Variants in CFAP54 observed in about 807,000 individuals in gnomAD.
CFAP54 encodes cilia- and flagella-associated protein 54.
In CFAP54, 290 loss-of-function variants were observed where a neutral mutation model predicts 370.4. The observed-to-expected ratio is 0.78, with a 90% confidence interval of 0.71 to 0.86. The LOEUF is 0.86. Ranked by LOEUF, CFAP54 falls within the 40% of genes least tolerant of loss-of-function variation. CFAP54 has a pLI of 0.00. For missense variants in CFAP54, 3,399 were observed against 3,528.7 expected (o/e 0.96, Z 0.93); for synonymous variants, 1,206 against 1,236.5 (o/e 0.98, Z 0.52).
At chr12:96,810,199 A>T (rs1431136497) in intron 63 of CFAP54, among the ~76,000 whole-genome samples, 1 of 151,936 alleles carries the variant, frequency 6.6e-6, no homozygotes, top group Non-Finnish European at 1.5e-5. Flanking sequence ...GTTCTCAGTC[A>T]TGCTTGTTGT....
chr12:96,843,250 G>A (rs187181993), intron 66 of CFAP54, among the ~76,000 whole-genome samples: 38 of 152,318 alleles, frequency 2.5e-4, no homozygotes, highest in African/African-American at 7.9e-4. Flanking sequence ...ATCAAGAAAT[G>A]CCAAGTATTG....
In CFAP54 at chr12:96,589,427, G is replaced by T. The variant is rs1956104744; in HGVS notation, c.3076G>T (p.Val1026Phe). Reference sequence around the variant, plus strand: ...CATAAATATGTGCTTTTTGTTATAGGTTGCCTATCAAGTTGGTAACTATGA... The same window carrying T: ...CATAAATATGTGCTTTTTGTTATAGTTTGCCTATCAAGTTGGTAACTATGA... ...TITARMFLTQVAYQVGNYELA... is the reference protein window; with the variant it reads ...TITARMFLTQFAYQVGNYELA... Residue 1026 changes from valine (V) to phenylalanine (F), a missense_variant and splice_region_variant, in exon 23 of 68, where the codon GTT (valine) becomes TTT (phenylalanine). Coordinates refer to ENST00000524981, the MANE Select transcript of CFAP54 (RefSeq NM_001306084.2). 1 of 1,526,376 alleles carries T rather than the reference G, an allele frequency of 6.6e-7. No individual in the cohort carries two copies. The highest frequency in any genetic ancestry group is 8.8e-7 in the Non-Finnish European group (1 of 1,141,262). 94.6% of individuals were successfully genotyped at this position (1,526,376 alleles called of 1,614,324 possible). A position where few individuals can be genotyped will look rare whatever the true frequency, so the allele number is the denominator to read the frequency against.
chr12:96,812,323 C>T (rs1958935828), intron 64 of CFAP54, among the ~76,000 whole-genome samples: 1 of 152,150 alleles, frequency 6.6e-6, no homozygotes, highest in Non-Finnish European at 1.5e-5. Context: ...ACCTTTCCCT[C>T]TGTGCCCAGT....
chr12:96,691,657 C>A (rs1442807436), intron 44 of CFAP54, among the ~76,000 whole-genome samples: 1 of 152,126 alleles, frequency 6.6e-6, no homozygotes, highest in African/African-American at 2.4e-5. Flanking sequence ...CAGGTTATAT[C>A]AATCCCAAAA....
At chr12:96,519,957 A>G (rs943462484) in intron 6 of CFAP54, among the ~76,000 whole-genome samples, 1 of 152,074 alleles carries the variant, frequency 6.6e-6, no homozygotes, top group Admixed American at 6.6e-5. Context: ...GTTCCTTATC[A>G]CTTAGTATGT....
At chr12:96,528,155 G>C (rs1462184145) in intron 9 of CFAP54, among the ~76,000 whole-genome samples, 1 of 151,892 alleles carries the variant, frequency 6.6e-6, no homozygotes, top group East Asian at 1.9e-4. Flanking sequence ...CATTATTTGA[G>C]ATATCTACAG....
At chr12:96,492,434 C>T (rs1333205131) in intron 1 of CFAP54, among the ~76,000 whole-genome samples, 2 of 152,202 alleles carry the variant, frequency 1.3e-5, no homozygotes, top group African/African-American at 4.8e-5. Flanking sequence ...CTTCCCCAAG[C>T]TTTTCAAAAA....
At chr12:96,522,227 T>A in intron 8 of CFAP54, 38 bp downstream of exon 8, 1 of 1,349,752 alleles carries the variant, frequency 7.4e-7, no homozygotes, top group Non-Finnish European at 1.0e-6. Context: ...AAGACTCTTT[T>A]TGCAGTATAT....
chr12:96,572,770 A>G lies in CFAP54; in HGVS notation c.2620-3815A>G, dbSNP rs185635668. 2.0e-5 allele frequency: 14 copies of G among 705,738 alleles called. No individual in the cohort carries two copies. The African/African-American group carries it at 2.3e-4, about 12-fold the overall frequency. The allele number at this position is 705,738 out of a possible 1,614,324, so 43.7% of individuals were successfully genotyped here. On this transcript the variant is annotated intron_variant, in intron 19 of 67. Coordinates refer to ENST00000524981, the MANE Select transcript of CFAP54 (RefSeq NM_001306084.2). ...AGATGTTCAAGCTCCACTCCTGGAGATTTCTATTTTGGGGTAGAAATGGAG... is the reference window on the plus strand; with the variant it reads ...AGATGTTCAAGCTCCACTCCTGGAGGTTTCTATTTTGGGGTAGAAATGGAG...
chr12:96,490,568 T>C (rs1278721952), intron 1 of CFAP54, among the ~76,000 whole-genome samples: 1 of 152,170 alleles, frequency 6.6e-6, no homozygotes, highest in Non-Finnish European at 1.5e-5. Context: ...GGCACATGCC[T>C]GTACTCCCAG....
intron 26 of CFAP54, among the ~76,000 whole-genome samples, chr12:96,608,423 A>G (rs1407263707): frequency 6.7e-6 from 1 of 149,296 alleles, no homozygotes; most frequent in African/African-American, 2.5e-5. Context: ...TCAGAGAAAT[A>G]TGTGACCATG....
At chr12:96,509,706 C>A (rs1290935682) in intron 4 of CFAP54, among the ~76,000 whole-genome samples, 1 of 151,702 alleles carries the variant, frequency 6.6e-6, no homozygotes, top group Non-Finnish European at 1.5e-5. Context: ...ATCCCAGTTA[C>A]TCAGGAGGCT....
At position 96,586,844 on chromosome 12, in the gene CFAP54, C is replaced by T. The variant is rs142085687; in HGVS notation, c.3076-2583C>T. On this transcript the variant is annotated intron_variant, in intron 22 of 67. Transcript: ENST00000524981. ...TCCTGTTTTTAAAGGTTCACCCTGG[C>T]TGCTACATTGGAAATAGAACGTAAG... Among the ~76,000 whole-genome samples, 391 of 152,264 alleles carry T rather than the reference C, an allele frequency of 2.6e-3. 2 individuals are homozygous for T. The highest frequency in any genetic ancestry group is 9.0e-3 in the African/African-American group (375 of 41,552).
At chr12:96,874,181 T>A (rs1960232458) in intron 67 of CFAP54, among the ~76,000 whole-genome samples, 1 of 152,176 alleles carries the variant, frequency 6.6e-6, no homozygotes, top group South Asian at 2.1e-4. Flanking sequence ...TAGGGAACTC[T>A]GCTTCCTTAA....
rs1234451630 is a variant in CFAP54 at position 96,489,795 on chromosome 12, T to C, written c.186T>C (p.Tyr62=). The change falls in exon 1 of 68, where the codon TAT becomes TAC. Residue 62 remains tyrosine (Y), a synonymous_variant. Coordinates refer to ENST00000524981, the MANE Select transcript of CFAP54 (RefSeq NM_001306084.2). The part of the protein sequence containing the change: ...PEDSLPLAVF[Y]GPLDAKNPLL... ...ACTCATTGCCCCTAGCCGTGTTTTA[T>C]GGGCCGCTGGACGCGAAAAACCCGC... The C allele has an allele frequency of 1.3e-6, 2 of 1,536,118 alleles. No individual in the cohort carries two copies. The highest frequency in any genetic ancestry group is 2.0e-5 in the Admixed American group (1 of 51,000).
chr12:96,522,594 G>A (rs1489401426), intron 8 of CFAP54, among the ~76,000 whole-genome samples: 1 of 152,174 alleles, frequency 6.6e-6, no homozygotes, highest in Non-Finnish European at 1.5e-5. Context: ...TCAGCCTTAG[G>A]TTTCACCCTT....
intron 1 of CFAP54, among the ~76,000 whole-genome samples, chr12:96,499,560 T>C (rs1955000609): frequency 6.6e-6 from 1 of 152,186 alleles, no homozygotes; most frequent in African/African-American, 2.4e-5. Context: ...AGGTGGTTTT[T>C]TACAAAATTA....
At chr12:96,733,204 G>A (rs1957941447) in intron 50 of CFAP54, among the ~76,000 whole-genome samples, 1 of 152,172 alleles carries the variant, frequency 6.6e-6, no homozygotes, top group South Asian at 2.1e-4. Context: ...TTGGAGCAGA[G>A]TTGTCATTTA....
At chr12:96,494,466 A>C (rs896957437) in intron 1 of CFAP54, among the ~76,000 whole-genome samples, 1 of 151,820 alleles carries the variant, frequency 6.6e-6, no homozygotes, top group Non-Finnish European at 1.5e-5. Flanking sequence ...ACGCCCGGCT[A>C]ATTTTTGTGT....
Sources: gnomAD v4.1 joint callset for allele counts (sites outside exome capture counted in the v4.1 genomes callset) on GRCh38, gnomAD v4.1.1 for gene constraint, MANE v1.5 for transcripts, NCBI Gene and HGNC (gene_info 2026-07-23, HGNC 2026-07-21) for gene names.